Variants in FRMD3 observed in about 807,000 individuals in gnomAD.
FRMD3 encodes the protein FERM domain-containing protein 3.
Under a neutral mutation model 70.2 loss-of-function variants are expected in FRMD3, and 33 were observed. The observed-to-expected ratio is 0.47, with a 90% confidence interval of 0.36 to 0.63. The LOEUF (loss-of-function observed/expected upper bound fraction) is 0.63, where lower values mean the gene tolerates loss of function less well. FRMD3 is among the 20% of genes least tolerant of loss of function. The pLI, the probability that FRMD3 is intolerant of heterozygous loss-of-function variation, is 0.00. For synonymous variants in FRMD3, 279 were observed against 255.9 expected, an observed-to-expected ratio of 1.09 and a Z score of -0.86; for missense variants, 632 against 711.4, an observed-to-expected ratio of 0.89 and a Z score of 1.27.
intron 1 of FRMD3, among the ~76,000 whole-genome samples, chr9:83,516,564 G>A (rs1353700014): frequency 2.0e-5 from 3 of 152,096 alleles, no homozygotes; most frequent in East Asian, 3.9e-4. Context: ...ACAGATCAAC[G>A]AGACAGAAAA....
At chr9:83,377,502 G>A (rs927923355) in intron 2 of FRMD3, among the ~76,000 whole-genome samples, 1 of 152,114 alleles carries the variant, frequency 6.6e-6, no homozygotes. Flanking sequence ...GCCTGATGGG[G>A]AGTGATTGGA....
intron 13 of FRMD3, 25 bp downstream of exon 13, chr9:83,290,578 A>G (rs1170661008): frequency 6.2e-7 from 1 of 1,613,768 alleles, no homozygotes. Flanking sequence ...CAGCACCAGC[A>G]TTTGGGATGA....
chr9:83,385,554 G>A (rs192392555), intron 2 of FRMD3, among the ~76,000 whole-genome samples: 10 of 152,188 alleles, frequency 6.6e-5, no homozygotes, highest in African/African-American at 1.7e-4. Context: ...AAATGCAATC[G>A]TGCTAAATAT....
intron 1 of FRMD3, among the ~76,000 whole-genome samples, chr9:83,490,715 CA>C: frequency 6.6e-6 from 1 of 151,864 alleles, no homozygotes; most frequent in Admixed American, 6.6e-5. Context: ...CTATAATATA[CA>C]GACTGATAGA....
In FRMD3 at chr9:83,490,798, T is replaced by TCACACACA. The variant is rs60065758; in HGVS notation, c.147+47279_147+47286dup. ...CTCTCTCTCTCTCTCTCTCTCTCTC[T>TCACACACA]CACACACACACACACACACACACAC... On this transcript the variant is annotated intron_variant, in intron 1 of 13. Transcript: ENST00000304195. Among the ~76,000 whole-genome samples, 312 of 110,776 alleles carry TCACACACA rather than the reference T, an allele frequency of 2.8e-3. 1 individual carries two copies. Among genetic ancestry groups the TCACACACA allele is most frequent in the East Asian group, 6.0e-3 (23 of 3,808 alleles). The allele number at this position is 110,776 out of a possible 152,430, so 72.7% of individuals were successfully genotyped here.
the FRMD3 span, among the ~76,000 whole-genome samples, chr9:83,562,769 T>C: frequency 6.6e-6 from 1 of 152,128 alleles, no homozygotes; most frequent in Non-Finnish European, 1.5e-5. Flanking sequence ...GCAATACTAA[T>C]AGAATTATGG....
chr9:83,319,476 C>T (rs184886136), intron 6 of FRMD3, among the ~76,000 whole-genome samples: 57 of 152,266 alleles, frequency 3.7e-4, no homozygotes, highest in Non-Finnish European at 7.8e-4. Context: ...GGCTGAAATG[C>T]AGTGGCATGA....
chr9:83,508,721 T>C (rs905010508), intron 1 of FRMD3, among the ~76,000 whole-genome samples: 3 of 152,162 alleles, frequency 2.0e-5, no homozygotes, highest in African/African-American at 7.2e-5. Flanking sequence ...TTTATTCTAA[T>C]GCAGGGAGTG....
At chr9:83,353,303 TC>T (rs1283578191) in intron 3 of FRMD3, among the ~76,000 whole-genome samples, 3 of 152,072 alleles carry the variant, frequency 2.0e-5, no homozygotes, top group African/African-American at 4.8e-5. Flanking sequence ...GGGCACTTTT[TC>T]TTTAAGAAAC....
intron 1 of FRMD3, among the ~76,000 whole-genome samples, chr9:83,414,263 T>C (rs1423662782): frequency 2.0e-5 from 3 of 152,204 alleles, no homozygotes; most frequent in Non-Finnish European, 4.4e-5. Flanking sequence ...AATCACTGAA[T>C]TGTATTCTTA....
intron 1 of FRMD3, among the ~76,000 whole-genome samples, chr9:83,484,936 T>C (rs947027006): frequency 6.6e-6 from 1 of 152,290 alleles, no homozygotes; most frequent in Non-Finnish European, 1.5e-5. Context: ...GAAAACATAA[T>C]AGAAAGTCCA....
intron 2 of FRMD3, among the ~76,000 whole-genome samples, chr9:83,381,594 CT>C (rs1260415031): frequency 6.6e-6 from 1 of 151,952 alleles, no homozygotes; most frequent in African/African-American, 2.4e-5. Flanking sequence ...CATTGTTTCA[CT>C]GTAGTGTTTT....
chr9:83,376,121 T>C (rs1587790436), intron 2 of FRMD3, among the ~76,000 whole-genome samples: 1 of 147,918 alleles, frequency 6.8e-6, no homozygotes, highest in Non-Finnish European at 1.5e-5. Context: ...GATGGCGCCA[T>C]TGCACTCCAG....
chr9:83,577,721 A>G, the FRMD3 span, among the ~76,000 whole-genome samples: 1 of 152,026 alleles, frequency 6.6e-6, no homozygotes, highest in Non-Finnish European at 1.5e-5. Flanking sequence ...TTTTTATAGC[A>G]ACAAACGCCT....
the FRMD3 span, among the ~76,000 whole-genome samples, chr9:83,583,839 G>A: frequency 1.3e-5 from 2 of 152,060 alleles, no homozygotes; most frequent in Non-Finnish European, 2.9e-5. Context: ...AAACTCCTGG[G>A]CTGAGGTAAT....
At chr9:83,316,931 G>A (rs1835602712) in intron 6 of FRMD3, among the ~76,000 whole-genome samples, 2 of 152,086 alleles carry the variant, frequency 1.3e-5, no homozygotes, top group Non-Finnish European at 2.9e-5. Flanking sequence ...CAGGCTTGGT[G>A]CAGTGGCTCA....
chr9:83,425,385 T>G (rs4537377), intron 1 of FRMD3, among the ~76,000 whole-genome samples: 41,738 of 151,808 alleles, frequency 0.27, 6,607 homozygotes, highest in African/African-American at 0.42. Context: ...GAAAAGTGAG[T>G]CATGAGGTTG....
intron 4 of FRMD3, 117 bp from the exon 5 acceptor site, chr9:83,343,404 C>T: frequency 2.9e-6 from 2 of 688,598 alleles, no homozygotes; most frequent in Non-Finnish European, 5.2e-6. Context: ...TAGAGACTGG[C>T]TTAGACATGC....
chr9:83,266,891 A>C, intron 13 of FRMD3: 1 of 1,028,058 alleles, frequency 9.7e-7, no homozygotes, highest in Non-Finnish European at 1.4e-6. Context: ...CTCTCTTTTC[A>C]TCCTTATCAA....
Sources: gnomAD v4.1 joint callset for allele counts (sites outside exome capture counted in the v4.1 genomes callset) on GRCh38, gnomAD v4.1.1 for gene constraint, MANE v1.5 for transcripts, NCBI Gene and HGNC (gene_info 2026-07-23, HGNC 2026-07-21) for gene names.